Variants in CNTN5 observed in about 807,000 individuals in gnomAD.
The protein encoded by CNTN5 is contactin-5.
CNTN5 carries 77 observed loss-of-function variants against 129.1 expected under a neutral mutation model. That is an observed-to-expected ratio of 0.60 (90% CI 0.50 to 0.72). CNTN5 has a LOEUF of 0.72. Ranked by LOEUF, CNTN5 falls within the 30% of genes least tolerant of loss-of-function variation. The probability of loss-of-function intolerance (pLI) is 0.00; values close to 1 mark genes in which losing one functional copy is unlikely to be tolerated. For missense variants in CNTN5, 1,478 were observed against 1,328.8 expected (o/e 1.11, Z -1.75); for synonymous variants, 509 against 465.6 (o/e 1.09, Z -1.20).
chr11:100,184,337 G>A (rs761653135), intron 13 of CNTN5, among the ~76,000 whole-genome samples: 1 of 152,110 alleles, frequency 6.6e-6, no homozygotes, highest in Admixed American at 6.6e-5. Flanking sequence ...GTCAGTGTCA[G>A]TAATTTGAAC....
intron 3 of CNTN5, among the ~76,000 whole-genome samples, chr11:99,711,015 A>G (rs1467090754): frequency 6.6e-6 from 1 of 151,970 alleles, no homozygotes; most frequent in Non-Finnish European, 1.5e-5. Flanking sequence ...TGCATACTGC[A>G]TACTTATTCA....
intron 4 of CNTN5, among the ~76,000 whole-genome samples, chr11:99,826,171 T>C (rs546940113): frequency 1.7e-4 from 26 of 152,256 alleles, no homozygotes; most frequent in Non-Finnish European, 3.5e-4. Flanking sequence ...CAATATAGAA[T>C]TTTTTATCTA....
chr11:99,086,504 G>A (rs944469292), intron 1 of CNTN5, among the ~76,000 whole-genome samples: 1 of 152,094 alleles, frequency 6.6e-6, no homozygotes, highest in African/African-American at 2.4e-5. Flanking sequence ...GAGTGAGGGG[G>A]ACAGGTCCCA....
At chr11:99,744,721 GAA>G (rs35204165) in intron 3 of CNTN5, among the ~76,000 whole-genome samples, 24 of 112,856 alleles carry the variant, frequency 2.1e-4, no homozygotes, top group Admixed American at 1.0e-3. Flanking sequence ...CCCTGTCTCA[GAA>G]AAAAAAAAAA....
At chr11:99,787,158 C>T (rs1004981956) in intron 3 of CNTN5, among the ~76,000 whole-genome samples, 160 of 150,476 alleles carry the variant, frequency 1.1e-3, no homozygotes, top group African/African-American at 3.6e-3. Flanking sequence ...GGTACATGTG[C>T]ACCTGCACGT....
chr11:99,504,645 A>G (rs533272775), intron 2 of CNTN5, among the ~76,000 whole-genome samples: 98 of 152,280 alleles, frequency 6.4e-4, no homozygotes, highest in African/African-American at 2.1e-3. Context: ...ATGAATGTAT[A>G]TATTTTTAAT....
At chr11:99,031,525 A>T (rs1268245261) in intron 1 of CNTN5, among the ~76,000 whole-genome samples, 1 of 152,020 alleles carries the variant, frequency 6.6e-6, no homozygotes, top group Non-Finnish European at 1.5e-5. Flanking sequence ...GAGAGGAAAA[A>T]AAGGTGAAGA....
At chr11:99,997,285 G>C (rs1306730100) in intron 8 of CNTN5, among the ~76,000 whole-genome samples, 2 of 152,084 alleles carry the variant, frequency 1.3e-5, no homozygotes, top group East Asian at 1.9e-4. Flanking sequence ...GCTAGCTTTT[G>C]AATGTGTTTG....
At chr11:100,035,834 T>A (rs1450945371) in intron 9 of CNTN5, among the ~76,000 whole-genome samples, 1 of 152,074 alleles carries the variant, frequency 6.6e-6, no homozygotes, top group Non-Finnish European at 1.5e-5. Context: ...TTCTTGTAAA[T>A]TTGTTTGAGT....
intron 1 of CNTN5, among the ~76,000 whole-genome samples, chr11:99,250,980 G>A (rs2135790682): frequency 6.6e-6 from 1 of 151,912 alleles, no homozygotes; most frequent in South Asian, 2.1e-4. Flanking sequence ...AAAACAATTA[G>A]ACTTGGGAAA....
chr11:100,228,251 A>T lies in CNTN5; in HGVS notation c.2005+3439A>T, dbSNP rs1322592463. On this transcript the variant is annotated intron_variant, in intron 16 of 24. Transcript: ENST00000524871. Reference sequence around the variant, plus strand: ...TAATCTCTCGAGTCCTTCTGAATACACAGCCTTTCCTCAAACTTGAACAAT... The same window carrying T: ...TAATCTCTCGAGTCCTTCTGAATACTCAGCCTTTCCTCAAACTTGAACAAT... Among the ~76,000 whole-genome samples, 5 of 152,202 alleles carry T rather than the reference A, an allele frequency of 3.3e-5. No homozygotes were observed. The East Asian group carries it at 9.7e-4, about 29-fold the overall frequency.
chr11:100,182,764 G>A (rs372699943), intron 13 of CNTN5, among the ~76,000 whole-genome samples: 46 of 151,904 alleles, frequency 3.0e-4, no homozygotes, highest in African/African-American at 1.1e-3. Flanking sequence ...TAAAACAAAA[G>A]CACAATGCAT....
At chr11:99,068,244 A>G (rs192376699) in intron 1 of CNTN5, among the ~76,000 whole-genome samples, 9 of 152,312 alleles carry the variant, frequency 5.9e-5, no homozygotes, top group Non-Finnish European at 1.0e-4. Context: ...CAAATCTCCT[A>G]CAAGAAACAA....
chr11:99,237,503 G>T, intron 1 of CNTN5, among the ~76,000 whole-genome samples: 1 of 152,010 alleles, frequency 6.6e-6, no homozygotes, highest in South Asian at 2.1e-4. Context: ...CAACATAGTG[G>T]AACCCTGTCT....
chr11:99,579,199 T>C (rs1005185779), intron 3 of CNTN5, among the ~76,000 whole-genome samples: 16 of 152,208 alleles, frequency 1.1e-4, no homozygotes, highest in African/African-American at 3.4e-4. Context: ...TATCCTGTTT[T>C]GGTACCAGTA....
chr11:99,822,196 T>C (rs756493901), intron 4 of CNTN5, among the ~76,000 whole-genome samples: 1 of 152,122 alleles, frequency 6.6e-6, no homozygotes, highest in Non-Finnish European at 1.5e-5. Flanking sequence ...AGAGCAAAGA[T>C]TTTTATGAAA....
intron 2 of CNTN5, among the ~76,000 whole-genome samples, chr11:99,363,708 C>T (rs1591576775): frequency 6.6e-6 from 1 of 151,948 alleles, no homozygotes; most frequent in Non-Finnish European, 1.5e-5. Context: ...AATCCCATGG[C>T]CATGCTAAAG....
At chr11:99,602,652 T>C (rs989807752) in intron 3 of CNTN5, among the ~76,000 whole-genome samples, 1 of 144,492 alleles carries the variant, frequency 6.9e-6, no homozygotes, top group Non-Finnish European at 1.5e-5. Flanking sequence ...TTGTGCAATG[T>C]AAAAAAAAAA....
At chr11:99,825,598 A>T (rs1402909988) in intron 4 of CNTN5, among the ~76,000 whole-genome samples, 2 of 152,060 alleles carry the variant, frequency 1.3e-5, no homozygotes, top group Non-Finnish European at 2.9e-5. Context: ...GTGACAAACT[A>T]TCTTAGTCTT....
Sources: allele counts gnomAD v4.1 joint callset (sites outside exome capture counted in the v4.1 genomes callset), GRCh38; gene constraint gnomAD v4.1.1; transcripts MANE v1.5; gene names NCBI Gene and HGNC (gene_info 2026-07-23, HGNC 2026-07-21).